ONECUT3: variants seen among roughly 807,000 people sequenced by gnomAD.
ONECUT3 encodes the protein one cut homeobox 3.
ONECUT3 carries 11 observed loss-of-function variants against 16.8 expected under a neutral mutation model. The ratio of observed to expected loss-of-function variants is 0.66; its 90% CI spans 0.41 to 1.09. The LOEUF (loss-of-function observed/expected upper bound fraction) is 1.09. ONECUT3 is among the 50% of genes least tolerant of loss of function. The pLI is 0.00. For missense variants in ONECUT3, 637 were observed against 629.9 expected (o/e 1.01, Z -0.12); for synonymous variants, 344 against 310.7 (o/e 1.11, Z -1.13).
rs2068098937 is a variant in ONECUT3, at chr19:1,775,526, C to T, written c.*81C>T. On this transcript the variant is annotated 3_prime_UTR_variant, in exon 2 of 2. Transcript: ENST00000382349. ...GTCACCTCCCCACATCCTGCCGGCC[C>T]GGAGACCCGCCCCCAGGGGGCACCT... 4 of 1,366,702 alleles carry T rather than the reference C, an allele frequency of 2.9e-6. No homozygotes were observed. In the South Asian group the frequency reaches 4.9e-5, roughly 17 times the overall value. The allele number at this position is 1,366,702 out of a possible 1,614,324, so 84.7% of individuals were successfully genotyped here. A position where few individuals can be genotyped will look rare whatever the true frequency, so the allele number is the denominator to read the frequency against.
chr19:1,768,542 C>G (rs1034798429), intron 1 of ONECUT3, among the ~76,000 whole-genome samples: 2 of 152,200 alleles, frequency 1.3e-5, no homozygotes, highest in African/African-American at 4.8e-5. Flanking sequence ...CCAGAGCAAG[C>G]TTGACAGCCT....
intron 1 of ONECUT3, among the ~76,000 whole-genome samples, chr19:1,760,166 C>G (rs1568593615): frequency 6.6e-6 from 1 of 152,194 alleles, no homozygotes; most frequent in Non-Finnish European, 1.5e-5. Flanking sequence ...AAGCTGAGGC[C>G]GAAGAGAAAG....
chr19:1,762,880 C>G lies in ONECUT3; in HGVS notation c.1192+8026C>G, dbSNP rs1240640782. On this transcript the variant is annotated intron_variant, in intron 1 of 1. Coordinates refer to ENST00000382349, the MANE Select transcript of ONECUT3 (RefSeq NM_001080488.2). This position sits in a 1 kb window ranked among gnomAD's most constrained non-coding sequence, Gnocchi z 4.4. ...GGAGGACAAGACACGTTCCTCCTCC[C>G]CTCCTCCACCTCCCTTGTTTTTGCT... Among the ~76,000 whole-genome samples, 1 of 152,228 alleles carries G rather than the reference C, an allele frequency of 6.6e-6. No individual in the cohort carries two copies. The highest frequency in any genetic ancestry group is 1.5e-5 in the Non-Finnish European group (1 of 68,028).
At chr19:1,773,029 T>C (rs540303232) in intron 1 of ONECUT3, among the ~76,000 whole-genome samples, 1 of 152,186 alleles carries the variant, frequency 6.6e-6, no homozygotes, top group East Asian at 1.9e-4. Flanking sequence ...TATCTTCCAG[T>C]CCTTACATGG....
rs888825941 is a variant in ONECUT3 at position 1,759,328 on chromosome 19, C to T, written c.1192+4474C>T. On this transcript the variant is annotated intron_variant, in intron 1 of 1. Coordinates refer to ENST00000382349, the MANE Select transcript of ONECUT3 (RefSeq NM_001080488.2). This position sits in a 1 kb window ranked among gnomAD's most constrained non-coding sequence, Gnocchi z 4.1. ...GCTCATACAGGCCCTCCCTCCCCGG[C>T]TTCTCCCCCCTACCCGCTGCCACCA... Among the ~76,000 whole-genome samples, 3 of 152,002 alleles carry T rather than the reference C, an allele frequency of 2.0e-5. No homozygotes were observed. The highest frequency in any genetic ancestry group is 4.4e-5 in the Non-Finnish European group (3 of 67,980).
Position 1,764,534 on chromosome 19 carries a change from C to T in ONECUT3, c.1192+9680C>T, listed in dbSNP as rs1231278103. On this transcript the variant is annotated intron_variant, in intron 1 of 1. Transcript: ENST00000382349. The surrounding 1 kb of genome is among the most constrained non-coding windows in gnomAD (Gnocchi z 5.0). ...CAGGGCAGGCATGGGGAGGGTAAGCCACCCAGAGTGGAGGGGTAGTGGGAA... is the reference window on the plus strand; with the variant it reads ...CAGGGCAGGCATGGGGAGGGTAAGCTACCCAGAGTGGAGGGGTAGTGGGAA... Among the ~76,000 whole-genome samples, 1 of 151,824 alleles carries T rather than the reference C, an allele frequency of 6.6e-6. No homozygotes were observed. Among genetic ancestry groups the T allele is most frequent in the East Asian group, 1.9e-4 (1 of 5,138 alleles).
Position 1,755,139 on chromosome 19 carries a change from G to A in ONECUT3, c.1192+285G>A, listed in dbSNP as rs189728148. 4.9e-3 allele frequency among the ~76,000 whole-genome samples: 743 copies of A among 152,254 alleles called. 9 individuals carry two copies. The highest frequency in any genetic ancestry group is 0.017 in the African/African-American group (692 of 41,552). ...GTTCTCTAGTCCTTGTTAGACTGCT[G>A]GGAGGCTCCGAGCCTCTCCCCAAGC... On this transcript the variant is annotated intron_variant, in intron 1 of 1. Transcript: ENST00000382349. The surrounding 1 kb of genome is among the most constrained non-coding windows in gnomAD (Gnocchi z 7.5).
chr19:1,775,372 A>G lies in ONECUT3; in HGVS notation c.1412A>G (p.Asn471Ser), dbSNP rs1254006506. ...ATGAACGCGCGGCGCCGCTGCATGA[A>G]CCGCTGGGCTGAGGAGCCCAGCACG... ...FFMNARRRCM[N>S]RWAEEPSTAP... Residue 471 changes from asparagine to serine, a missense_variant, in exon 2 of 2, where the codon AAC becomes AGC. This residue lies in a region of ONECUT3 where 183 missense variants were observed against 188.3 expected (regional missense o/e 0.97). Coordinates refer to ENST00000382349, the MANE Select transcript of ONECUT3 (RefSeq NM_001080488.2). 1.5e-6 allele frequency: 2 copies of G among 1,290,426 alleles called. No individual in the cohort carries two copies. The highest frequency in any genetic ancestry group is 1.2e-5 in the South Asian group (1 of 80,004). The allele number at this position is 1,290,426 out of a possible 1,614,324, so 79.9% of individuals were successfully genotyped here.
At chr19:1,761,111 G>C (rs1235404677) in intron 1 of ONECUT3, among the ~76,000 whole-genome samples, 2 of 147,396 alleles carry the variant, frequency 1.4e-5, no homozygotes, top group Non-Finnish European at 3.0e-5. Flanking sequence ...GGAGTGCAGT[G>C]GCGCAACCTC....
Position 1,755,426 on chromosome 19 carries a change from C to A in ONECUT3, c.1192+572C>A, listed in dbSNP as rs998977141. ...CCCCAGCGCGCGCTTCTTTGTAGTT[C>A]GGCCCCGCGATCGATACCCCCTCCC... On this transcript the variant is annotated intron_variant, in intron 1 of 1. Coordinates refer to ENST00000382349, the MANE Select transcript of ONECUT3 (RefSeq NM_001080488.2). The surrounding 1 kb of genome is among the most constrained non-coding windows in gnomAD (Gnocchi z 7.5). Among the ~76,000 whole-genome samples, 2 of 151,984 alleles carry A rather than the reference C, an allele frequency of 1.3e-5. No homozygotes were observed. The highest frequency in any genetic ancestry group is 6.5e-5 in the Admixed American group (1 of 15,270).
chr19:1,761,166 C>T (rs2067944599), intron 1 of ONECUT3, among the ~76,000 whole-genome samples: 1 of 151,656 alleles, frequency 6.6e-6, no homozygotes, highest in South Asian at 2.1e-4. Flanking sequence ...GATTCTCCTG[C>T]CTCAGCCTAC....
At position 1,755,691 on chromosome 19, in the gene ONECUT3, T is replaced by G. The variant is rs1249783538; in HGVS notation, c.1192+837T>G. 6.6e-6 allele frequency among the ~76,000 whole-genome samples: 1 copy of G among 152,240 alleles called. No individual in the cohort carries two copies. Among genetic ancestry groups the G allele is most frequent in the Non-Finnish European group, 1.5e-5 (1 of 68,044 alleles). ...CACTGGTATCTCTATGTTTTTCTCT[T>G]GCTCTCCGTTTTGCTCTTGTTCCTG... On this transcript the variant is annotated intron_variant, in intron 1 of 1. Transcript: ENST00000382349. This position sits in a 1 kb window ranked among gnomAD's most constrained non-coding sequence, Gnocchi z 7.5.
rs909007813 is a variant in ONECUT3, at chr19:1,759,006, T to C, written c.1192+4152T>C. On this transcript the variant is annotated intron_variant, in intron 1 of 1. Coordinates refer to ENST00000382349, the MANE Select transcript of ONECUT3 (RefSeq NM_001080488.2). The surrounding 1 kb of genome is among the most constrained non-coding windows in gnomAD (Gnocchi z 4.1). ...GCCTCATCTCCTCCTGTGGGCACCATGGGGAGGCAGGAGCCCAGAATCCCT... is the reference window on the plus strand; with the variant it reads ...GCCTCATCTCCTCCTGTGGGCACCACGGGGAGGCAGGAGCCCAGAATCCCT... Among the ~76,000 whole-genome samples the C allele has an allele frequency of 6.6e-6, 1 of 152,058 alleles. No homozygotes were observed. The highest frequency in any genetic ancestry group is 2.4e-5 in the African/African-American group (1 of 41,386).
At chr19:1,769,037 AC>A (rs2068026909) in intron 1 of ONECUT3, among the ~76,000 whole-genome samples, 1 of 9,118 alleles carries the variant, frequency 1.1e-4, no homozygotes. Context: ...GGTGGAGGTG[AC>A]GGTGGAGGTG....
At chr19:1,763,953 T>C (rs1379758903) in intron 1 of ONECUT3, among the ~76,000 whole-genome samples, 1 of 152,142 alleles carries the variant, frequency 6.6e-6, no homozygotes, top group Non-Finnish European at 1.5e-5. Flanking sequence ...AATGAATACG[T>C]CCGGGGCGGA....
At chr19:1,773,087 C>A in intron 1 of ONECUT3, among the ~76,000 whole-genome samples, 1 of 150,046 alleles carries the variant, frequency 6.7e-6, no homozygotes, top group African/African-American at 2.5e-5. Flanking sequence ...AGAGCATTTC[C>A]TCACTCTCTA....
At chr19:1,772,312 G>T (rs2068062637) in intron 1 of ONECUT3, among the ~76,000 whole-genome samples, 1 of 151,522 alleles carries the variant, frequency 6.6e-6, no homozygotes, top group African/African-American at 2.4e-5. Flanking sequence ...CATGCCCAGT[G>T]GGCCTATTTA....
chr19:1,768,767 G>A (rs918777241), intron 1 of ONECUT3, among the ~76,000 whole-genome samples: 2 of 152,076 alleles, frequency 1.3e-5, no homozygotes, highest in Non-Finnish European at 2.9e-5. Flanking sequence ...ACAGAGGAAG[G>A]GGGTGAGTAA....
chr19:1,767,418 C>T (rs1022061249), intron 1 of ONECUT3, among the ~76,000 whole-genome samples: 3 of 152,146 alleles, frequency 2.0e-5, no homozygotes, highest in African/African-American at 7.2e-5. Context: ...TCTTGGGCCC[C>T]GGGGTGGTTG....
Sources: allele counts gnomAD v4.1 joint callset (sites outside exome capture counted in the v4.1 genomes callset), GRCh38; gene constraint gnomAD v4.1.1; regional missense constraint gnomAD v4.1.1; non-coding constraint Gnocchi (gnomAD v3.1); transcripts MANE v1.5; gene names NCBI Gene and HGNC (gene_info 2026-07-23, HGNC 2026-07-21).